The following VKORC1L1 variants were observed in gnomAD, a reference collection of about 807,000 sequenced individuals.
VKORC1L1 encodes the protein vitamin K epoxide reductase complex subunit 1-like protein 1.
In VKORC1L1, 2 loss-of-function variants were observed where a neutral mutation model predicts 18.9. The ratio of observed to expected loss-of-function variants is 0.11; its 90% confidence interval spans 0.04 to 0.33. The LOEUF is 0.33. Ranked by LOEUF, VKORC1L1 falls within the 10% of genes least tolerant of loss-of-function variation. VKORC1L1 has a pLI of 1.00. For missense variants in VKORC1L1, 123 were observed against 224.1 expected (o/e 0.55, Z 2.88); for synonymous variants, 96 against 100.0 (o/e 0.96, Z 0.24).
chr7:65,928,251 CTTCTTTTTTTTT>C (rs1789798577), intron 1 of VKORC1L1, among the ~76,000 whole-genome samples: 4 of 137,670 alleles, frequency 2.9e-5, no homozygotes, highest in Admixed American at 2.9e-4. Context: ...ACCTTTTTTC[CTTCTTTTTTTTT>C]TTTTTTTTTT....
chr7:65,881,399 A>G (rs1231314613), intron 1 of VKORC1L1, among the ~76,000 whole-genome samples: 1 of 152,248 alleles, frequency 6.6e-6, no homozygotes, highest in Admixed American at 6.5e-5. Context: ...ACCCTAAAAG[A>G]TTACATACTG....
intron 1 of VKORC1L1, among the ~76,000 whole-genome samples, chr7:65,928,503 T>C (rs1048689294): frequency 6.6e-6 from 1 of 152,216 alleles, no homozygotes; most frequent in Non-Finnish European, 1.5e-5. Context: ...TTTTATACTG[T>C]CTAGTCTTTG....
In VKORC1L1 at chr7:65,895,894, C is replaced by CTT. The variant is rs899804086; in HGVS notation, c.194+22350_194+22351dup. Among the ~76,000 whole-genome samples, 293 of 113,236 alleles carry CTT rather than the reference C, an allele frequency of 2.6e-3. 4 individuals are homozygous for CTT. Among genetic ancestry groups the CTT allele is most frequent in the African/African-American group, 3.8e-3 (108 of 28,262 alleles). The allele number at this position is 113,236 out of a possible 152,430, so 74.3% of individuals were successfully genotyped here. A position where few individuals can be genotyped will look rare whatever the true frequency, so the allele number is the denominator to read the frequency against. On this transcript the variant is annotated intron_variant, in intron 1 of 2. Transcript: ENST00000360768. ...AGAGAACTATCTTGCTATCTCACTT[C>CTT]TTTTTTTTTTTTTTTTTTTTTTGAG... is the stretch of plus-strand genomic sequence containing the variant.
intron 1 of VKORC1L1, among the ~76,000 whole-genome samples, chr7:65,886,839 GTTTTTT>G (rs56234924): frequency 2.3e-3 from 135 of 58,624 alleles, no homozygotes; most frequent in Non-Finnish European, 3.6e-3. Context: ...GCCTGTCCGA[GTTTTTT>G]TTTTTTTTTT....
At chr7:65,874,122 C>T in intron 1 of VKORC1L1, among the ~76,000 whole-genome samples, 1 of 152,132 alleles carries the variant, frequency 6.6e-6, no homozygotes, top group Non-Finnish European at 1.5e-5. Flanking sequence ...TGTACTCCAG[C>T]GCTAGTGAGA....
At chr7:65,920,506 T>C (rs1185868975) in intron 1 of VKORC1L1, among the ~76,000 whole-genome samples, 1 of 152,072 alleles carries the variant, frequency 6.6e-6, no homozygotes. Flanking sequence ...TATAGATTCG[T>C]GTACATAATT....
intron 1 of VKORC1L1, among the ~76,000 whole-genome samples, chr7:65,886,758 C>T (rs1460516893): frequency 1.3e-5 from 2 of 149,888 alleles, no homozygotes; most frequent in African/African-American, 4.9e-5. Flanking sequence ...AGGATGGTCT[C>T]AATCTCCTGA....
At chr7:65,883,047 G>A (rs897721038) in intron 1 of VKORC1L1, among the ~76,000 whole-genome samples, 4 of 151,012 alleles carry the variant, frequency 2.6e-5, no homozygotes, top group Non-Finnish European at 5.9e-5. Flanking sequence ...AAACAAATTT[G>A]ACATAAGACT....
chr7:65,886,499 A>G (rs1789013339), intron 1 of VKORC1L1, among the ~76,000 whole-genome samples: 1 of 152,146 alleles, frequency 6.6e-6, no homozygotes. Context: ...CATATAAAGA[A>G]GAAGGTGCCT....
At chr7:65,883,021 C>T (rs150448696) in intron 1 of VKORC1L1, among the ~76,000 whole-genome samples, 2,164 of 152,100 alleles carry the variant, frequency 0.014, 24 homozygotes, top group Non-Finnish European at 0.022. Context: ...TTTCTTGATA[C>T]CATGCCATCA....
chr7:65,867,047 C>T, the VKORC1L1 span, among the ~76,000 whole-genome samples: 12 of 151,952 alleles, frequency 7.9e-5, no homozygotes, highest in East Asian at 1.9e-4. Context: ...ATTAGCTGGG[C>T]GTGGTGGCAT....
chr7:65,909,403 T>TA (rs1005212495), intron 1 of VKORC1L1, among the ~76,000 whole-genome samples: 1 of 152,068 alleles, frequency 6.6e-6, no homozygotes. Context: ...GAAGAGATCT[T>TA]AAAAACAATT....
intron 1 of VKORC1L1, among the ~76,000 whole-genome samples, chr7:65,882,957 C>T (rs1251141699): frequency 6.6e-6 from 1 of 152,116 alleles, no homozygotes; most frequent in African/African-American, 2.4e-5. Flanking sequence ...ACACACAAAA[C>T]ATTATCATTG....
intron 1 of VKORC1L1, among the ~76,000 whole-genome samples, chr7:65,925,007 G>C (rs1043529450): frequency 1.1e-4 from 17 of 151,916 alleles, no homozygotes; most frequent in Non-Finnish European, 2.4e-4. Flanking sequence ...GTGTTCCCTA[G>C]TACTCCATCC....
chr7:65,921,065 G>C lies in VKORC1L1; in HGVS notation c.195-27606G>C, dbSNP rs182172739. On this transcript the variant is annotated intron_variant, in intron 1 of 2. Transcript: ENST00000360768. ...CATTTATTAGTATCTTTTACTTTGG[G>C]GGGGGTTTAACTGGCTGTTATTTTT... Among the ~76,000 whole-genome samples the C allele has an allele frequency of 2.7e-3, 405 of 152,028 alleles. 2 individuals are homozygous for C. The highest frequency in any genetic ancestry group is 9.3e-3 in the African/African-American group (387 of 41,454).
chr7:65,918,640 G>T (rs1290894546), intron 1 of VKORC1L1, among the ~76,000 whole-genome samples: 2 of 152,212 alleles, frequency 1.3e-5, no homozygotes, highest in African/African-American at 2.4e-5. Context: ...TCTTGCTTCA[G>T]TGCAGGTAAC....
intron 1 of VKORC1L1, among the ~76,000 whole-genome samples, chr7:65,904,902 A>G (rs926659536): frequency 4.6e-5 from 7 of 152,120 alleles, no homozygotes; most frequent in African/African-American, 1.7e-4. Context: ...GTGTATATAT[A>G]TGTGTGTATA....
In VKORC1L1 at chr7:65,954,222, T is replaced by C. The variant is rs370459609; in HGVS notation, c.453T>C (p.Leu151=). 7 of 1,614,056 alleles carry C rather than the reference T, an allele frequency of 4.3e-6. No individual in the cohort carries two copies. In the African/African-American group the frequency reaches 8.0e-5, roughly 18 times the overall value. The part of the protein sequence containing the change: ...ICIVTYVLNF[L]LLIINYKRLV... ...TCGTCACGTACGTGCTGAACTTCCT[T>C]CTTCTCATTATCAACTACAAACGAC... Residue 151 remains leucine, a synonymous_variant, in exon 3 of 3, where the codon CTT becomes CTC. Coordinates refer to ENST00000360768, the MANE Select transcript of VKORC1L1 (RefSeq NM_173517.6).
intron 1 of VKORC1L1, among the ~76,000 whole-genome samples, chr7:65,878,848 T>C (rs1231202465): frequency 2.0e-5 from 3 of 151,974 alleles, no homozygotes; most frequent in Admixed American, 6.6e-5. Context: ...GTGGAGGTTG[T>C]GGTGAGCTGA....
Sources: gnomAD v4.1 joint callset for allele counts (sites outside exome capture counted in the v4.1 genomes callset) on GRCh38, gnomAD v4.1.1 for gene constraint, MANE v1.5 for transcripts, NCBI Gene and HGNC (gene_info 2026-07-23, HGNC 2026-07-21) for gene names.